The following ITPR2 variants were observed in gnomAD, a reference collection of about 807,000 sequenced individuals.
ITPR2 encodes inositol 1,4,5-trisphosphate receptor type 2.
In ITPR2, 207 loss-of-function variants were observed where a neutral mutation model predicts 317.1. The observed-to-expected ratio is 0.65, with a 90% CI of 0.58 to 0.73. The LOEUF is 0.73. Ranked by LOEUF, ITPR2 falls within the 30% of genes least tolerant of loss-of-function variation. ITPR2 has a pLI of 0.00. For missense variants in ITPR2, 2,613 were observed against 3,284.0 expected (o/e 0.80, Z 4.99); for synonymous variants, 1,156 against 1,149.1 (o/e 1.01, Z -0.12).
chr12:26,595,433 T>C (rs1945818557), intron 32 of ITPR2, 32 bp downstream of exon 32: 1 of 1,590,508 alleles, frequency 6.3e-7, no homozygotes, highest in Non-Finnish European at 8.5e-7. Context: ...AAATATCTAT[T>C]GACACCCTTC....
chr12:26,472,289 C>T (rs1942308473), intron 45 of ITPR2, among the ~76,000 whole-genome samples: 1 of 152,154 alleles, frequency 6.6e-6, no homozygotes, highest in Non-Finnish European at 1.5e-5. Flanking sequence ...CATGAGGACT[C>T]TTATTTAATA....
chr12:26,676,880 T>C (rs1482966045), intron 13 of ITPR2, among the ~76,000 whole-genome samples: 1 of 152,166 alleles, frequency 6.6e-6, no homozygotes, highest in African/African-American at 2.4e-5. Context: ...ATTTATTCTT[T>C]TGTATTTATC....
At chr12:26,527,198 T>C (rs1425300204) in intron 37 of ITPR2, among the ~76,000 whole-genome samples, 1 of 152,180 alleles carries the variant, frequency 6.6e-6, no homozygotes, top group Non-Finnish European at 1.5e-5. Context: ...TAGTATAGGG[T>C]ACATTTATAT....
At chr12:26,772,523 T>TTATATATATAATAAATGTATTA in intron 2 of ITPR2, among the ~76,000 whole-genome samples, 1 of 90,940 alleles carries the variant, frequency 1.1e-5, no homozygotes, top group Admixed American at 1.2e-4. Context: ...TAATACATTA[T>TTATATATATAATAAATGTATTA]TATATATAAT....
At chr12:26,773,236 T>C (rs2137158054) in intron 2 of ITPR2, among the ~76,000 whole-genome samples, 1 of 152,370 alleles carries the variant, frequency 6.6e-6, no homozygotes, top group Non-Finnish European at 1.5e-5. Flanking sequence ...TAGGCTAACA[T>C]GGAGAAAGGC....
chr12:26,518,715 G>A (rs1480331756), intron 37 of ITPR2, among the ~76,000 whole-genome samples: 1 of 151,890 alleles, frequency 6.6e-6, no homozygotes, highest in African/African-American at 2.4e-5. Context: ...AATACAAACA[G>A]AACTAATTTT....
intron 45 of ITPR2, among the ~76,000 whole-genome samples, chr12:26,456,856 TA>T (rs1305419070): frequency 6.6e-6 from 1 of 152,132 alleles, no homozygotes; most frequent in Non-Finnish European, 1.5e-5. Context: ...TATTTTTTAC[TA>T]GAGACAGGGT....
At chr12:26,443,716 A>G (rs1941543412) in intron 45 of ITPR2, 66 bp from the exon 46 acceptor site, 1 of 1,227,850 alleles carries the variant, frequency 8.1e-7, no homozygotes, top group East Asian at 2.4e-5. Flanking sequence ...AAACTTTGCA[A>G]TATCTTTGTC....
chr12:26,609,125 A>G (rs576234902), intron 26 of ITPR2, among the ~76,000 whole-genome samples: 4 of 152,230 alleles, frequency 2.6e-5, no homozygotes, highest in Non-Finnish European at 4.4e-5. Flanking sequence ...AGAGGGACGA[A>G]TCAGCACTGC....
At chr12:26,499,332 C>A (rs1943020788) in intron 37 of ITPR2, among the ~76,000 whole-genome samples, 1 of 152,160 alleles carries the variant, frequency 6.6e-6, no homozygotes, top group Non-Finnish European at 1.5e-5. Flanking sequence ...ATTTCCTCAC[C>A]ATGTAATATT....
intron 26 of ITPR2, among the ~76,000 whole-genome samples, chr12:26,614,764 A>G (rs1946338254): frequency 6.7e-6 from 1 of 149,998 alleles, no homozygotes; most frequent in Admixed American, 6.6e-5. Flanking sequence ...ACCTACAGAG[A>G]AAAAAAATCA....
chr12:26,800,472 T>C (rs1950536847), intron 1 of ITPR2, among the ~76,000 whole-genome samples: 11 of 152,106 alleles, frequency 7.2e-5, no homozygotes, highest in Admixed American at 7.2e-4. Context: ...ACATCAAAAA[T>C]GGTCAGATAG....
chr12:26,584,281 C>T (rs1350953402), intron 32 of ITPR2, among the ~76,000 whole-genome samples: 1 of 152,096 alleles, frequency 6.6e-6, no homozygotes, highest in African/African-American at 2.4e-5. Flanking sequence ...AAGTTGGAAG[C>T]AGCCATCAAC....
chr12:26,556,082 TA>T, intron 36 of ITPR2, 150 bp downstream of exon 36: 4 of 603,460 alleles, frequency 6.6e-6, no homozygotes, highest in Middle Eastern at 9.5e-4. Flanking sequence ...TGAATCAATT[TA>T]ATTATTCTGG....
At chr12:26,782,033 TGTATAGAGAGAGAGAGAGAG>T (rs1488430758) in intron 2 of ITPR2, among the ~76,000 whole-genome samples, 2 of 18,038 alleles carry the variant, frequency 1.1e-4, no homozygotes, top group Non-Finnish European at 2.2e-4. Context: ...TATATATATA[TGTATAGAGAGAGAGAGAGAG>T]AGAGAGAGAG....
intron 34 of ITPR2, among the ~76,000 whole-genome samples, chr12:26,568,006 T>TTATATATATATATATATTATATATATTA (rs1945048321): frequency 2.0e-3 from 15 of 7,512 alleles, no homozygotes; most frequent in Non-Finnish European, 4.8e-3. Flanking sequence ...ATTATATATA[T>TTATATATATATATATATTATATATATTA]TATATATATA....
intron 55 of ITPR2, among the ~76,000 whole-genome samples, chr12:26,351,426 T>C (rs746773554): frequency 6.6e-6 from 1 of 152,238 alleles, no homozygotes; most frequent in African/African-American, 2.4e-5. Flanking sequence ...CTGTTTTTCC[T>C]ACAGAAATGT....
intron 45 of ITPR2, among the ~76,000 whole-genome samples, chr12:26,449,308 A>C (rs145735264): frequency 6.6e-6 from 1 of 152,166 alleles, no homozygotes; most frequent in South Asian, 2.1e-4. Context: ...CTCCTATTTG[A>C]AGCAGAGAGA....
chr12:26,800,515 C>T (rs1199863113), intron 1 of ITPR2, among the ~76,000 whole-genome samples: 2 of 152,258 alleles, frequency 1.3e-5, no homozygotes, highest in East Asian at 3.9e-4. Flanking sequence ...GTAGTCCCAG[C>T]TACTTGGGAG....
Sources: gnomAD v4.1 joint callset for allele counts (sites outside exome capture counted in the v4.1 genomes callset) on GRCh38, gnomAD v4.1.1 for gene constraint, MANE v1.5 for transcripts, NCBI Gene and HGNC (gene_info 2026-07-23, HGNC 2026-07-21) for gene names.